Variants in NRG1 observed in about 807,000 individuals in gnomAD.
The protein encoded by NRG1 is pro-neuregulin-1, membrane-bound isoform.
In NRG1, 18 loss-of-function variants were observed where a neutral mutation model predicts 63.8. The ratio of observed to expected loss-of-function variants is 0.28; its 90% CI spans 0.19 to 0.42. NRG1 has a LOEUF of 0.42. Ranked by LOEUF, NRG1 falls within the 10% of genes least tolerant of loss-of-function variation. The probability of loss-of-function intolerance (pLI) is 1.00; values close to 1 mark genes in which losing one functional copy is unlikely to be tolerated. For missense variants in NRG1, 762 were observed against 814.7 expected, an observed-to-expected ratio of 0.94 and a Z score of 0.79; for synonymous variants, 302 against 301.3, an observed-to-expected ratio of 1.00 and a Z score of -0.02.
At chr8:31,874,696 G>C (rs1357856447) in intron 1 of NRG1, among the ~76,000 whole-genome samples, 2 of 152,054 alleles carry the variant, frequency 1.3e-5, no homozygotes. Context: ...GGTCTTATTT[G>C]TTCTTTATAG....
At chr8:31,860,105 G>A (rs780685636) in intron 1 of NRG1, among the ~76,000 whole-genome samples, 3 of 152,182 alleles carry the variant, frequency 2.0e-5, no homozygotes, top group Non-Finnish European at 2.9e-5. Context: ...GTCATGCAAA[G>A]AACATTAGCT....
At chr8:32,310,128 G>A (rs1368485979) in intron 1 of NRG1, among the ~76,000 whole-genome samples, 1 of 152,220 alleles carries the variant, frequency 6.6e-6, no homozygotes, top group Non-Finnish European at 1.5e-5. Flanking sequence ...AGAATAGGAG[G>A]AGGGGAAAAA....
At chr8:32,130,578 A>G (rs1224355677) in intron 1 of NRG1, among the ~76,000 whole-genome samples, 1 of 151,922 alleles carries the variant, frequency 6.6e-6, no homozygotes, top group Non-Finnish European at 1.5e-5. Context: ...CCTGCAAGGA[A>G]CCAGGCATAA....
chr8:32,277,761 G>A (rs1163331908), intron 1 of NRG1, among the ~76,000 whole-genome samples: 1 of 152,140 alleles, frequency 6.6e-6, no homozygotes, highest in Non-Finnish European at 1.5e-5. Flanking sequence ...GCATACCTGG[G>A]AGGGCCTTCC....
chr8:32,138,751 A>G (rs931219070), intron 1 of NRG1, among the ~76,000 whole-genome samples: 2 of 151,976 alleles, frequency 1.3e-5, no homozygotes, highest in African/African-American at 4.8e-5. Context: ...TTTTTTTAGT[A>G]GAAACAGGGT....
intron 1 of NRG1, among the ~76,000 whole-genome samples, chr8:31,910,724 A>G (rs1389796086): frequency 1.3e-5 from 2 of 152,188 alleles, no homozygotes; most frequent in Admixed American, 6.5e-5. Context: ...ACAGATTAAG[A>G]ATAGGGGATA....
chr8:31,908,458 G>C (rs1002467275), intron 1 of NRG1, among the ~76,000 whole-genome samples: 1 of 152,172 alleles, frequency 6.6e-6, no homozygotes, highest in African/African-American at 2.4e-5. Flanking sequence ...GTGGGTAGAA[G>C]GGGCCTTCGG....
chr8:32,509,331 T>A (rs1313064863), intron 1 of NRG1, among the ~76,000 whole-genome samples: 1 of 151,324 alleles, frequency 6.6e-6, no homozygotes, highest in East Asian at 2.0e-4. Context: ...CAGGCTCAAA[T>A]GAACCTCCCA....
chr8:32,231,769 G>A lies in NRG1; in HGVS notation c.38-364059G>A, dbSNP rs537786255. ...ACAAGCAAATTAGCTGAGTGTGGTG[G>A]CATGCGCCTGCAGTCTCAGCAACTC... On this transcript the variant is annotated intron_variant, in intron 1 of 10. Transcript: ENST00000519301. 8.6e-5 allele frequency among the ~76,000 whole-genome samples: 13 copies of A among 151,802 alleles called. No homozygotes were observed. In the South Asian group the frequency reaches 2.1e-3, roughly 24 times the overall value.
At chr8:31,742,455 ATTTTTTTT>A (rs36040084) in intron 1 of NRG1, among the ~76,000 whole-genome samples, 1,105 of 80,072 alleles carry the variant, frequency 0.014, 28 homozygotes, top group African/African-American at 0.048. Context: ...TTTTTTAAGA[ATTTTTTTT>A]TTTTTTTTTT....
intron 1 of NRG1, among the ~76,000 whole-genome samples, chr8:31,750,562 T>TAG (rs1816350511): frequency 6.6e-6 from 1 of 151,896 alleles, no homozygotes; most frequent in East Asian, 1.9e-4. Context: ...ACGTAATCAG[T>TAG]AGAGAGAACT....
chr8:32,500,317 A>G (rs1827714488), intron 1 of NRG1, among the ~76,000 whole-genome samples: 1 of 152,282 alleles, frequency 6.6e-6, no homozygotes, highest in East Asian at 1.9e-4. Context: ...GATTGGGGTG[A>G]ATTTCCCTTT....
At chr8:32,713,032 G>A (rs974853544) in intron 5 of NRG1, among the ~76,000 whole-genome samples, 1 of 152,144 alleles carries the variant, frequency 6.6e-6, no homozygotes, top group African/African-American at 2.4e-5. Flanking sequence ...AAAAGACCAC[G>A]TGACTCAATT....
intron 1 of NRG1, among the ~76,000 whole-genome samples, chr8:32,393,782 A>G (rs1273836392): frequency 6.6e-6 from 1 of 152,190 alleles, no homozygotes; most frequent in Non-Finnish European, 1.5e-5. Flanking sequence ...ACTGTTGGGT[A>G]CTAGGCTTAG....
chr8:32,308,647 C>CTTA (rs1856488365), intron 1 of NRG1, among the ~76,000 whole-genome samples: 1 of 152,226 alleles, frequency 6.6e-6, no homozygotes, highest in African/African-American at 2.4e-5. Context: ...CACATGTGTG[C>CTTA]TGGACTCTTG....
intron 1 of NRG1, among the ~76,000 whole-genome samples, chr8:31,923,206 A>G (rs1350986713): frequency 6.6e-6 from 1 of 152,196 alleles, no homozygotes; most frequent in Admixed American, 6.5e-5. Context: ...TTTTTTTTAA[A>G]TCACAAGTAA....
At chr8:32,152,219 CT>C (rs1837578274) in intron 1 of NRG1, among the ~76,000 whole-genome samples, 1 of 152,218 alleles carries the variant, frequency 6.6e-6, no homozygotes, top group Non-Finnish European at 1.5e-5. Flanking sequence ...TAGCTCTTCA[CT>C]TCGTGTGTTA....
intron 5 of NRG1, among the ~76,000 whole-genome samples, chr8:32,653,171 G>A (rs903932052): frequency 6.0e-5 from 9 of 150,988 alleles, no homozygotes; most frequent in Non-Finnish European, 8.8e-5. Context: ...TTCAGTGAAT[G>A]TACGCTAAGT....
intron 1 of NRG1, among the ~76,000 whole-genome samples, chr8:31,843,318 T>G (rs565068631): frequency 1.3e-5 from 2 of 152,294 alleles, no homozygotes; most frequent in Admixed American, 6.5e-5. Flanking sequence ...AAATTCACCT[T>G]TGCAGGGGGT....
Sources: gnomAD v4.1 joint callset for allele counts (sites outside exome capture counted in the v4.1 genomes callset) on GRCh38, gnomAD v4.1.1 for gene constraint, MANE v1.5 for transcripts, NCBI Gene and HGNC (gene_info 2026-07-23, HGNC 2026-07-21) for gene names.